Variants in SGIP1 observed in about 807,000 individuals in gnomAD.
SGIP1 encodes SH3GL interacting endocytic adaptor 1.
SGIP1 carries 38 observed loss-of-function variants against 107.5 expected under a neutral mutation model. The observed-to-expected ratio is 0.35, with a 90% CI of 0.27 to 0.46. The LOEUF (loss-of-function observed/expected upper bound fraction) is 0.46. Among genes scored for constraint, SGIP1 ranks in the 20% least tolerant of loss-of-function variants. The pLI is 1.00. For synonymous variants in SGIP1, 365 were observed against 366.1 expected (o/e 1.00, Z 0.03); for missense variants, 929 against 1,019.5 (o/e 0.91, Z 1.21).
intron 1 of SGIP1, among the ~76,000 whole-genome samples, chr1:66,572,772 A>G (rs2060548557): frequency 6.6e-6 from 1 of 152,134 alleles, no homozygotes; most frequent in Admixed American, 6.6e-5. Context: ...GATATTTTAA[A>G]GAGCCTACAA....
Position 66,735,546 on chromosome 1 carries a change from C to T in SGIP1, c.2031+1666C>T, listed in dbSNP as rs1235611788. Among the ~76,000 whole-genome samples, 2 of 16,388 alleles carry T rather than the reference C, an allele frequency of 1.2e-4. 1 individual carries two copies. Among genetic ancestry groups the T allele is most frequent in the Non-Finnish European group, 3.6e-4 (2 of 5,600 alleles). The allele number at this position is 16,388 out of a possible 152,430, so 10.8% of individuals were successfully genotyped here. On this transcript the variant is annotated intron_variant, in intron 21 of 24. Transcript: ENST00000371037. ...TAAGAGTGAGATCGTGTGGGCCGGGCGCGGTGGCTCACGCCTGTAATCCCA... is the reference window on the plus strand; with the variant it reads ...TAAGAGTGAGATCGTGTGGGCCGGGTGCGGTGGCTCACGCCTGTAATCCCA...
At chr1:66,689,041 C>T (rs1354711102) in intron 15 of SGIP1, 107 bp from the exon 16 acceptor site, 13 of 1,304,364 alleles carry the variant, frequency 1.0e-5, no homozygotes, top group Non-Finnish European at 1.2e-5. Context: ...GTAGTAACTG[C>T]CAAGGCAAAA....
chr1:66,566,984 A>G (rs2059740882), intron 1 of SGIP1, among the ~76,000 whole-genome samples: 1 of 151,860 alleles, frequency 6.6e-6, no homozygotes. Context: ...TTCCTGTGTT[A>G]GTTTGCTGAG....
At chr1:66,737,327 C>T (rs1282491987) in intron 21 of SGIP1, among the ~76,000 whole-genome samples, 4 of 151,756 alleles carry the variant, frequency 2.6e-5, no homozygotes, top group Non-Finnish European at 5.9e-5. Flanking sequence ...TTTTCATTTC[C>T]GTATTTGTTA....
intron 17 of SGIP1, among the ~76,000 whole-genome samples, chr1:66,692,256 C>T (rs1030044425): frequency 4.0e-5 from 6 of 151,778 alleles, no homozygotes; most frequent in African/African-American, 1.2e-4. Flanking sequence ...AAATCCTGGC[C>T]AGAAACTTTG....
intron 1 of SGIP1, among the ~76,000 whole-genome samples, chr1:66,589,210 A>G (rs1281262622): frequency 0.091 from 6,237 of 68,776 alleles, 603 homozygotes; most frequent in African/African-American, 0.14. Flanking sequence ...ATATATATAT[A>G]TATATATGTA....
At position 66,671,018 on chromosome 1, in the gene SGIP1, C is replaced by A; in HGVS notation, c.507C>A (p.Ser169=). 1.4e-6 allele frequency: 2 copies of A among 1,388,676 alleles called. No homozygotes were observed. Among genetic ancestry groups the A allele is most frequent in the South Asian group, 1.4e-5 (1 of 71,740 alleles). 86.0% of individuals were successfully genotyped at this position (1,388,676 alleles called of 1,614,324 possible). ...RSPGAIKRNL[S]SEEVARPRRS... ...AGGGTGCAATTAAAAGGAACTTATC[C>A]AGTAAGTATATCTTAGCTACCAGAA... Residue 169 remains serine (S), a splice_region_variant and synonymous_variant, in exon 10 of 25, where the codon TCC becomes TCA. Coordinates refer to ENST00000371037, the MANE Select transcript of SGIP1 (RefSeq NM_032291.4).
At position 66,748,200 on chromosome 1, in the gene SGIP1, G is replaced by A. The variant is rs2094578205; in HGVS notation, c.*5105G>A. 6.6e-6 allele frequency: 1 copy of A among 151,802 alleles called. No individual in the cohort carries two copies. 9.4% of individuals were successfully genotyped at this position (151,802 alleles called of 1,614,324 possible). On this transcript the variant is annotated 3_prime_UTR_variant, in exon 25 of 25. Coordinates refer to ENST00000371037, the MANE Select transcript of SGIP1 (RefSeq NM_032291.4). ...TTCTCTCACTTATGAATTAAATATG[G>A]CTACCATTAATGTTCCTTTTTGTCA... is the stretch of plus-strand genomic sequence containing the variant.
At chr1:66,723,191 G>A (rs1321486083) in intron 19 of SGIP1, among the ~76,000 whole-genome samples, 3 of 152,098 alleles carry the variant, frequency 2.0e-5, no homozygotes, top group African/African-American at 7.2e-5. Flanking sequence ...TGCCAGCCAA[G>A]GTACCAAACA....
At chr1:66,684,227 T>C in intron 15 of SGIP1, 2 of 1,550,236 alleles carry the variant, frequency 1.3e-6, no homozygotes, top group Non-Finnish European at 1.7e-6. Flanking sequence ...ACCAGTGTGC[T>C]CTCCAGGCAC....
At position 66,748,756 on chromosome 1, in the gene SGIP1, AT is replaced by A. The variant is rs1359113181; in HGVS notation, c.*5665del. 1.3e-5 allele frequency among the ~76,000 whole-genome samples: 2 copies of A among 151,998 alleles called. No individual in the cohort carries two copies. The highest frequency in any genetic ancestry group is 4.8e-5 in the African/African-American group (2 of 41,440). Reference sequence around the variant, plus strand: ...GGGCTATGCTCACCAATATTCCAGTATTTTACAAATTGTGTTCTGGAAGATG... The same window carrying A: ...GGGCTATGCTCACCAATATTCCAGTATTTACAAATTGTGTTCTGGAAGATG... On this transcript the variant is annotated 3_prime_UTR_variant, in exon 25 of 25. Transcript: ENST00000371037.
chr1:66,675,116 C>T (rs956699532), intron 12 of SGIP1, among the ~76,000 whole-genome samples: 7 of 152,254 alleles, frequency 4.6e-5, no homozygotes, highest in Admixed American at 2.6e-4. Context: ...TGACTGGAGA[C>T]GGGATTTGAT....
intron 1 of SGIP1, among the ~76,000 whole-genome samples, chr1:66,571,723 A>G (rs1381168105): frequency 1.3e-5 from 2 of 152,012 alleles, no homozygotes; most frequent in Non-Finnish European, 2.9e-5. Flanking sequence ...AAGTCCCTTT[A>G]TAAAATGGCC....
chr1:66,610,154 T>C (rs2149135926), intron 1 of SGIP1, among the ~76,000 whole-genome samples: 1 of 152,226 alleles, frequency 6.6e-6, no homozygotes, highest in East Asian at 1.9e-4. Context: ...ATTTAGAAAA[T>C]AATTAGATAT....
At chr1:66,572,185 A>G (rs956971422) in intron 1 of SGIP1, among the ~76,000 whole-genome samples, 1 of 152,000 alleles carries the variant, frequency 6.6e-6, no homozygotes, top group Non-Finnish European at 1.5e-5. Context: ...ATACAGAAAG[A>G]CCATTTTTCT....
At chr1:66,544,168 T>C (rs1357343119) in intron 1 of SGIP1, among the ~76,000 whole-genome samples, 1 of 152,186 alleles carries the variant, frequency 6.6e-6, no homozygotes, top group Non-Finnish European at 1.5e-5. Context: ...ACAAGCATAC[T>C]CTATCATCCT....
intron 5 of SGIP1, among the ~76,000 whole-genome samples, 188 bp from the exon 6 acceptor site, chr1:66,642,622 G>A (rs1222558195): frequency 6.6e-6 from 1 of 152,054 alleles, no homozygotes; most frequent in East Asian, 1.9e-4. Flanking sequence ...TTCCCAGTAG[G>A]AGGACTCTCC....
intron 15 of SGIP1, among the ~76,000 whole-genome samples, chr1:66,686,276 G>T (rs2088229405): frequency 6.6e-6 from 1 of 152,192 alleles, no homozygotes; most frequent in African/African-American, 2.4e-5. Context: ...AGTTGAAGCG[G>T]TAGACACATG....
At chr1:66,582,729 T>C (rs1037520902) in intron 1 of SGIP1, among the ~76,000 whole-genome samples, 2 of 151,840 alleles carry the variant, frequency 1.3e-5, no homozygotes, top group African/African-American at 4.8e-5. Context: ...AAACTATTTA[T>C]CAATGAGAAT....
Sources: allele counts gnomAD v4.1 joint callset (sites outside exome capture counted in the v4.1 genomes callset), GRCh38; gene constraint gnomAD v4.1.1; transcripts MANE v1.5; gene names NCBI Gene and HGNC (gene_info 2026-07-23, HGNC 2026-07-21).